Variants in COMMD10 observed in about 807,000 individuals in gnomAD.
COMMD10 encodes COMM domain-containing protein 10.
COMMD10 carries 33 observed loss-of-function variants against 28.9 expected under a neutral mutation model. The observed-to-expected ratio is 1.14, with a 90% CI of 0.87 to 1.53. COMMD10 has a LOEUF of 1.53. COMMD10 is among the 40% of genes most tolerant of loss of function. The pLI, the probability that COMMD10 is intolerant of heterozygous loss-of-function variation, is 0.00. For synonymous variants in COMMD10, 110 were observed against 81.7 expected (o/e 1.35, Z -1.87); for missense variants, 310 against 233.4 (o/e 1.33, Z -2.14).
chr5:116,192,614 A>G (rs1415809697), intron 5 of COMMD10, among the ~76,000 whole-genome samples: 1 of 152,158 alleles, frequency 6.6e-6, no homozygotes, highest in Non-Finnish European at 1.5e-5. Flanking sequence ...CAATCCAACA[A>G]AGACAAAAAA....
chr5:116,153,044 A>T (rs977730887), intron 5 of COMMD10, among the ~76,000 whole-genome samples: 1 of 152,096 alleles, frequency 6.6e-6, no homozygotes, highest in Non-Finnish European at 1.5e-5. Context: ...CTGCTACTAC[A>T]TAATAGCATA....
chr5:116,182,980 GC>G (rs1453773630), intron 5 of COMMD10, among the ~76,000 whole-genome samples: 8 of 152,092 alleles, frequency 5.3e-5, no homozygotes, highest in African/African-American at 1.9e-4. Flanking sequence ...GAAGGTGCCT[GC>G]TTCTCCTTTG....
chr5:116,212,138 T>G (rs1281930953), intron 5 of COMMD10, among the ~76,000 whole-genome samples: 2 of 152,184 alleles, frequency 1.3e-5, no homozygotes, highest in Non-Finnish European at 2.9e-5. Context: ...TTTAGGTTTC[T>G]GTTCCTCCTT....
At position 116,092,570 on chromosome 5, in the gene COMMD10, C is replaced by T. The variant is rs550973441; in HGVS notation, c.269C>T (p.Ala90Val). The change falls in exon 4 of 7, where the codon GCA becomes GTA. Residue 90 changes from alanine (A) to valine (V), a missense_variant. Coordinates refer to ENST00000274458, the MANE Select transcript of COMMD10 (RefSeq NM_016144.4). ...EQAVYHNVKP[A>V]ALQQQLENIH... ...GCAGTGTATCACAATGTGAAGCCAG[C>T]AGCTTTGCAGCAGCAATTAGAGAAC... The T allele has an allele frequency of 3.7e-5, 59 of 1,605,432 alleles. No homozygotes were observed. The South Asian group carries it at 6.1e-4, about 17-fold the overall frequency.
intron 4 of COMMD10, among the ~76,000 whole-genome samples, chr5:116,118,381 T>C (rs184139223): frequency 4.7e-4 from 71 of 152,366 alleles, no homozygotes; most frequent in African/African-American, 1.6e-3. Context: ...TTATTTTCAC[T>C]ACTTTTGGTC....
intron 5 of COMMD10, among the ~76,000 whole-genome samples, chr5:116,248,316 A>G (rs941545775): frequency 6.6e-6 from 1 of 152,000 alleles, no homozygotes; most frequent in East Asian, 1.9e-4. Context: ...ATACAGATGG[A>G]TACAGATGGA....
At chr5:116,131,246 T>C (rs970349505) in intron 4 of COMMD10, among the ~76,000 whole-genome samples, 1 of 152,132 alleles carries the variant, frequency 6.6e-6, no homozygotes, top group Non-Finnish European at 1.5e-5. Flanking sequence ...TCAATTAGTA[T>C]GGAACTTCAC....
At chr5:116,239,819 A>G (rs753970579) in intron 5 of COMMD10, among the ~76,000 whole-genome samples, 10 of 152,188 alleles carry the variant, frequency 6.6e-5, no homozygotes, top group East Asian at 3.8e-4. Flanking sequence ...ACAGCTACAC[A>G]TTACATGAGG....
chr5:116,172,046 A>G (rs1364724618), intron 5 of COMMD10, among the ~76,000 whole-genome samples: 1 of 152,154 alleles, frequency 6.6e-6, no homozygotes. Context: ...TGTCCAAAAT[A>G]AGATTTTGCT....
At chr5:116,146,218 C>T (rs1752344449) in intron 5 of COMMD10, among the ~76,000 whole-genome samples, 1 of 151,848 alleles carries the variant, frequency 6.6e-6, no homozygotes, top group Non-Finnish European at 1.5e-5. Context: ...AAGATTTATT[C>T]TGTATCCTAG....
At chr5:116,094,694 C>G (rs1032430847) in intron 4 of COMMD10, among the ~76,000 whole-genome samples, 1 of 152,076 alleles carries the variant, frequency 6.6e-6, no homozygotes, top group Non-Finnish European at 1.5e-5. Context: ...GAAAGGAAAT[C>G]GGTATATTAA....
At chr5:116,124,752 C>T (rs1042754055) in intron 4 of COMMD10, among the ~76,000 whole-genome samples, 4 of 152,116 alleles carry the variant, frequency 2.6e-5, no homozygotes, top group East Asian at 1.9e-4. Context: ...TCTGGGTGCT[C>T]CTGTATTGGG....
chr5:116,102,113 C>G (rs78685115), intron 4 of COMMD10, among the ~76,000 whole-genome samples: 37 of 152,224 alleles, frequency 2.4e-4, no homozygotes, highest in African/African-American at 8.9e-4. Context: ...CTTTTAAGAT[C>G]TTAGTCATGA....
chr5:116,212,718 G>T (rs1190475932), intron 5 of COMMD10, among the ~76,000 whole-genome samples: 1 of 151,994 alleles, frequency 6.6e-6, no homozygotes, highest in Non-Finnish European at 1.5e-5. Flanking sequence ...AAGAAAACTA[G>T]CTGGATTTTT....
chr5:116,131,059 C>T (rs569271383), intron 4 of COMMD10, among the ~76,000 whole-genome samples: 1 of 151,752 alleles, frequency 6.6e-6, no homozygotes, highest in Non-Finnish European at 1.5e-5. Flanking sequence ...AAAGAATATA[C>T]TGATTGGACA....
chr5:116,161,262 TG>T (rs1348931029), intron 5 of COMMD10, among the ~76,000 whole-genome samples: 1 of 152,324 alleles, frequency 6.6e-6, no homozygotes, highest in African/African-American at 2.4e-5. Context: ...ATCTTTAAAA[TG>T]GGGATGTGAA....
In COMMD10 at chr5:116,203,632, A is replaced by G. The variant is rs1195132377; in HGVS notation, c.510+69454A>G. ...TTTTCAACCCAGAATTTCATATCCA[A>G]CCAAACTAAGCTTCATGAGTGAAGG... On this transcript the variant is annotated intron_variant, in intron 5 of 6. Coordinates refer to ENST00000274458, the MANE Select transcript of COMMD10 (RefSeq NM_016144.4). Among the ~76,000 whole-genome samples, 59 of 152,206 alleles carry G rather than the reference A, an allele frequency of 3.9e-4. 1 individual carries two copies. In the South Asian group the frequency reaches 0.011, roughly 28 times the overall value.
rs1390793979 is a variant in COMMD10 at position 116,197,819 on chromosome 5, A to C, written c.510+63641A>C. Among the ~76,000 whole-genome samples, 14 of 152,306 alleles carry C rather than the reference A, an allele frequency of 9.2e-5. No individual in the cohort carries two copies. In the South Asian group the frequency reaches 2.1e-3, roughly 23 times the overall value. On this transcript the variant is annotated intron_variant, in intron 5 of 6. Transcript: ENST00000274458. ...GCCAGTTACCCTTTGAGTAGACTCC[A>C]GTTCACATAAAGAAGTACAGGGAGA...
chr5:116,233,582 C>T (rs189702259), intron 5 of COMMD10, among the ~76,000 whole-genome samples: 7 of 152,196 alleles, frequency 4.6e-5, no homozygotes, highest in Admixed American at 2.6e-4. Flanking sequence ...ACTGTAATTT[C>T]ATAAGGTGGT....
Sources: gnomAD v4.1 joint callset for allele counts (sites outside exome capture counted in the v4.1 genomes callset) on GRCh38, gnomAD v4.1.1 for gene constraint, MANE v1.5 for transcripts, NCBI Gene and HGNC (gene_info 2026-07-23, HGNC 2026-07-21) for gene names.